PRKD2: variants seen among roughly 807,000 people sequenced by gnomAD.
The protein encoded by PRKD2 is protein kinase D2.
Under a neutral mutation model 86.0 loss-of-function variants are expected in PRKD2, and 22 were observed. The observed-to-expected ratio is 0.26, with a 90% confidence interval of 0.18 to 0.37. The LOEUF (loss-of-function observed/expected upper bound fraction) is 0.37, where lower values mean the gene tolerates loss of function less well. PRKD2 is among the 10% of genes least tolerant of loss of function. PRKD2 has a pLI of 1.00. For synonymous variants in PRKD2, 509 were observed against 510.9 expected (o/e 1.00, Z 0.05); for missense variants, 818 against 1,199.2 (o/e 0.68, Z 4.70).
Position 46,716,267 on chromosome 19 carries a change from A to G in PRKD2, c.104T>C (p.Leu35Pro). The change falls in exon 1 of 18, where the codon CTG becomes CCG. Residue 35 changes from leucine to proline, a missense_variant. By Grantham distance (98) the Leu-to-Pro change is moderately conservative. Around this residue, in one of 5 missense-constraint regions of PRKD2, gnomAD observed 403 missense variants for 518.6 expected, o/e 0.78. Coordinates refer to ENST00000291281, the MANE Select transcript of PRKD2 (RefSeq NM_016457.5). The surrounding 1 kb of genome is among the most constrained non-coding windows in gnomAD (Gnocchi z 7.9). ...GLELQSPPPL[L>P]PQIPAPGSGV... ...GGAACCCGGGGCCGGGATCTGGGGC[A>G]GTAGCGGTGGCGGCGACTGCAGCTC... The G allele has an allele frequency of 6.3e-7, 1 of 1,592,004 alleles. No individual in the cohort carries two copies. The highest frequency in any genetic ancestry group is 8.5e-7 in the Non-Finnish European group (1 of 1,169,920).
intron 3 of PRKD2, among the ~76,000 whole-genome samples, chr19:46,706,889 TTTC>T (rs1351370050): frequency 3.4e-5 from 5 of 149,214 alleles, no homozygotes; most frequent in East Asian, 1.9e-4. Flanking sequence ...AGAAACTGGA[TTTC>T]TTTTTTTTTT....
At chr19:46,706,260 T>G (rs2053712871) in intron 3 of PRKD2, among the ~76,000 whole-genome samples, 1 of 152,190 alleles carries the variant, frequency 6.6e-6, no homozygotes, top group Non-Finnish European at 1.5e-5. Flanking sequence ...ACATCTCCAG[T>G]GATTCCAAAC....
At chr19:46,685,630 G>A (rs1029508994) in intron 14 of PRKD2, 2 of 152,494 alleles carry the variant, frequency 1.3e-5, no homozygotes, top group Non-Finnish European at 2.9e-5. Context: ...CCACCTGTGA[G>A]AACCATGATT....
At chr19:46,688,548 T>C in intron 14 of PRKD2, among the ~76,000 whole-genome samples, 1 of 151,744 alleles carries the variant, frequency 6.6e-6, no homozygotes, top group East Asian at 1.9e-4. Context: ...GGGATTCTCC[T>C]GCCTCAGCCT....
At position 46,704,153 on chromosome 19, in the gene PRKD2, G is replaced by A. The variant is rs375376276; in HGVS notation, c.889+16C>T. 2.5e-6 allele frequency: 4 copies of A among 1,612,934 alleles called. No individual in the cohort carries two copies. In the African/African-American group the frequency reaches 4.0e-5, roughly 16 times the overall value. ...GGTTCTGACCCTGTCTGTCCTCCCC[G>A]ACAGGCCCAGCTAACCTTTGCATTG... On this transcript the variant is annotated intron_variant, in intron 5 of 17. Transcript: ENST00000291281.
intron 2 of PRKD2, among the ~76,000 whole-genome samples, chr19:46,712,914 A>T (rs1233072877): frequency 6.6e-6 from 1 of 152,226 alleles, no homozygotes; most frequent in Non-Finnish European, 1.5e-5. Flanking sequence ...GGGGCTTTTA[A>T]AAATACTGAT....
At chr19:46,691,545 T>C (rs1026884727) in intron 12 of PRKD2, among the ~76,000 whole-genome samples, 190 bp downstream of exon 12, 2 of 152,194 alleles carry the variant, frequency 1.3e-5, no homozygotes, top group Admixed American at 6.6e-5. Flanking sequence ...GGAATGTCCA[T>C]TGGTTTTTCC....
intron 17 of PRKD2, 129 bp from the exon 18 acceptor site, chr19:46,674,864 G>T: frequency 8.3e-7 from 1 of 1,204,064 alleles, no homozygotes; most frequent in Non-Finnish European, 1.2e-6. Context: ...CACCCAGCCA[G>T]TAGACATTTA....
intron 12 of PRKD2, 118 bp from the exon 13 acceptor site, chr19:46,690,824 G>C (rs2053473510): frequency 1.1e-6 from 1 of 873,658 alleles, no homozygotes; most frequent in Non-Finnish European, 1.8e-6. Context: ...GAGTTGGGCA[G>C]AGTTGGAAGG....
intron 5 of PRKD2, among the ~76,000 whole-genome samples, chr19:46,702,091 T>C (rs2053645473): frequency 6.7e-6 from 1 of 150,242 alleles, no homozygotes; most frequent in Non-Finnish European, 1.5e-5. Context: ...GACTAGAGTG[T>C]GCAATGGCAC....
Position 46,703,958 on chromosome 19 carries a change from A to AACAC in PRKD2, c.889+207_889+210dup, listed in dbSNP as rs10528388. Among the ~76,000 whole-genome samples the AACAC allele has an allele frequency of 4.5e-3, 601 of 133,726 alleles. 3 individuals carry two copies. The highest frequency in any genetic ancestry group is 8.9e-3 in the African/African-American group (304 of 34,300). The allele number at this position is 133,726 out of a possible 152,430, so 87.7% of individuals were successfully genotyped here. On this transcript the variant is annotated intron_variant, in intron 5 of 17. Transcript: ENST00000291281. ...CACCCTGTCTCCAAAAAACAACAAC[A>AACAC]ACACACACACACACACACACACACA...
chr19:46,678,407 A>T lies in PRKD2; in HGVS notation c.2327T>A (p.Ile776Asn), dbSNP rs747736186. The change falls in exon 16 of 18, where the codon ATC (isoleucine) becomes AAC (asparagine). Residue 776 changes from isoleucine (I) to asparagine (N), a missense_variant. Physicochemically the swap from Ile to Asn is moderately radical, Grantham distance 149. Around this residue, in one of 5 missense-constraint regions of PRKD2, gnomAD observed 132 missense variants for 146.2 expected, o/e 0.90. Transcript: ENST00000291281. The surrounding 1 kb of genome is among the most constrained non-coding windows in gnomAD (Gnocchi z 5.7). ...FMYPASPWSH[I>N]SAGAIDLINN... Reference sequence around the variant, plus strand: ...CGGGCCCCAGGCACCTCCAGCTGAGATGTGGCTCCAGGGGCTGGCCGGGTA... The same window carrying T: ...CGGGCCCCAGGCACCTCCAGCTGAGTTGTGGCTCCAGGGGCTGGCCGGGTA... The T allele has an allele frequency of 1.2e-6, 2 of 1,613,994 alleles. No individual in the cohort carries two copies. The highest frequency in any genetic ancestry group is 8.5e-7 in the Non-Finnish European group (1 of 1,179,964).
intron 15 of PRKD2, among the ~76,000 whole-genome samples, chr19:46,679,826 C>T (rs2053269166): frequency 6.6e-6 from 1 of 152,064 alleles, no homozygotes; most frequent in Non-Finnish European, 1.5e-5. Context: ...CATTTCACCA[C>T]ATCAGCCAGG....
chr19:46,702,489 A>T (rs537059858), intron 5 of PRKD2, among the ~76,000 whole-genome samples: 1 of 152,264 alleles, frequency 6.6e-6, no homozygotes, highest in African/African-American at 2.4e-5. Context: ...CTAGGGTTCT[A>T]CAATTCTAGG....
rs1438134662 is a variant in PRKD2 at position 46,691,942 on chromosome 19, T to A, written c.1620A>T (p.Gln540His). ...GGGGCAGGAGTCTCACCACATTCTC[T>A]TGGATCTGACTGTTGGACACAGAGA... ...LSISVSNSQI[Q>H]ENVDIATVYQ... The change falls in exon 11 of 18, where the codon CAA (glutamine) becomes CAT (histidine). Residue 540 changes from glutamine (Q) to histidine (H), a missense_variant. Gln to His is a conservative substitution (Grantham distance 24). Around this residue, in one of 5 missense-constraint regions of PRKD2, gnomAD observed 154 missense variants for 359.6 expected, o/e 0.43. Coordinates refer to ENST00000291281, the MANE Select transcript of PRKD2 (RefSeq NM_016457.5). The A allele has an allele frequency of 3.1e-6, 5 of 1,613,968 alleles. No individual in the cohort carries two copies. The highest frequency in any genetic ancestry group is 3.4e-6 in the Non-Finnish European group (4 of 1,179,948).
rs1288494065 is a variant in PRKD2, at chr19:46,675,045, G to A, written c.2412C>T (p.His804=). ...KRYSVDKSLS[H]PWLQEYQTWL... is the part of the protein sequence containing the mutation. ...CCCCCTGCATCACCTGTAACCAGGG[G>A]TGGCTGAGAGATTTGTCCACGCTGT... Residue 804 remains histidine, a synonymous_variant, in exon 17 of 18, where the codon CAC becomes CAT. Coordinates refer to ENST00000291281, the MANE Select transcript of PRKD2 (RefSeq NM_016457.5). 5 of 1,608,938 alleles carry A rather than the reference G, an allele frequency of 3.1e-6. 1 individual carries two copies. In the South Asian group the frequency reaches 4.4e-5, roughly 14 times the overall value.
At chr19:46,711,700 G>C (rs936656184) in intron 2 of PRKD2, among the ~76,000 whole-genome samples, 1 of 152,036 alleles carries the variant, frequency 6.6e-6, no homozygotes, top group Non-Finnish European at 1.5e-5. Flanking sequence ...GCCTAAAATA[G>C]TAATTTTTAT....
chr19:46,692,311 T>A (rs1426282067), intron 10 of PRKD2, among the ~76,000 whole-genome samples: 1 of 152,058 alleles, frequency 6.6e-6, no homozygotes, highest in Non-Finnish European at 1.5e-5. Flanking sequence ...CTGACCCCAT[T>A]GTACAGAGAA....
At chr19:46,683,638 A>T (rs2053349024) in intron 14 of PRKD2, among the ~76,000 whole-genome samples, 1 of 152,048 alleles carries the variant, frequency 6.6e-6, no homozygotes, top group South Asian at 2.1e-4. Context: ...AAATCGCTTG[A>T]ACTGGAGAGG....
Sources: allele counts gnomAD v4.1 joint callset (sites outside exome capture counted in the v4.1 genomes callset), GRCh38; gene constraint gnomAD v4.1.1; regional missense constraint gnomAD v4.1.1; non-coding constraint Gnocchi (gnomAD v3.1); transcripts MANE v1.5; gene names NCBI Gene and HGNC (gene_info 2026-07-23, HGNC 2026-07-21).